CNTNAP2: variants seen among roughly 807,000 people sequenced by gnomAD.
The protein encoded by CNTNAP2 is contactin-associated protein-like 2.
A neutral mutation model predicts 155.2 loss-of-function variants in CNTNAP2; 98 were observed. The observed-to-expected ratio is 0.63, with a 90% CI of 0.54 to 0.75. CNTNAP2 has a LOEUF of 0.75. Among genes scored for constraint, CNTNAP2 ranks in the 30% least tolerant of loss-of-function variants. The pLI is 0.00. For synonymous variants in CNTNAP2, 651 were observed against 631.2 expected (o/e 1.03, Z -0.47); for missense variants, 1,727 against 1,688.1 (o/e 1.02, Z -0.40).
chr7:147,286,762 G>A (rs1805188618), intron 8 of CNTNAP2, among the ~76,000 whole-genome samples: 1 of 151,936 alleles, frequency 6.6e-6, no homozygotes, highest in South Asian at 2.1e-4. Context: ...AACTACTCGA[G>A]GGTCATATCT....
At chr7:147,585,624 G>A (rs1800604217) in intron 12 of CNTNAP2, among the ~76,000 whole-genome samples, 1 of 75,386 alleles carries the variant, frequency 1.3e-5, no homozygotes, top group Admixed American at 1.4e-4. Context: ...AGGTAATTTT[G>A]AGGCCAAAAA....
chr7:147,216,706 T>C (rs1803277860), intron 8 of CNTNAP2, among the ~76,000 whole-genome samples: 1 of 152,076 alleles, frequency 6.6e-6, no homozygotes, highest in African/African-American at 2.4e-5. Flanking sequence ...AGTTTGTCAA[T>C]TTCTACAACA....
intron 15 of CNTNAP2, among the ~76,000 whole-genome samples, chr7:148,073,447 C>A (rs1018625729): frequency 6.6e-6 from 1 of 152,216 alleles, no homozygotes; most frequent in Non-Finnish European, 1.5e-5. Context: ...AAATCTTACA[C>A]CATCCCACCA....
chr7:147,144,785 A>G (rs1293986580), intron 8 of CNTNAP2, among the ~76,000 whole-genome samples: 3 of 152,216 alleles, frequency 2.0e-5, no homozygotes, highest in Admixed American at 2.0e-4. Context: ...GCCAATAGGC[A>G]TCAATATTGA....
At chr7:146,846,956 A>G (rs957934505) in intron 3 of CNTNAP2, among the ~76,000 whole-genome samples, 4 of 143,872 alleles carry the variant, frequency 2.8e-5, no homozygotes, top group African/African-American at 1.2e-4. Context: ...TTTGTTATCA[A>G]TTATACTAAT....
intron 9 of CNTNAP2, among the ~76,000 whole-genome samples, chr7:147,324,565 T>C (rs911638375): frequency 1.3e-5 from 2 of 152,130 alleles, no homozygotes; most frequent in Non-Finnish European, 2.9e-5. Flanking sequence ...TTTAGAACAC[T>C]TTAGTCTTTC....
intron 18 of CNTNAP2, among the ~76,000 whole-genome samples, chr7:148,185,650 A>G (rs1296907394): frequency 1.2e-4 from 19 of 152,220 alleles, no homozygotes; most frequent in Admixed American, 1.2e-3. Context: ...TAGTTTTCAG[A>G]GATGAATAAA....
At chr7:146,366,357 A>G (rs946655398) in intron 1 of CNTNAP2, among the ~76,000 whole-genome samples, 9 of 152,124 alleles carry the variant, frequency 5.9e-5, no homozygotes, top group African/African-American at 1.7e-4. Context: ...TTTTCTAATC[A>G]AGTATAAGTT....
intron 22 of CNTNAP2, among the ~76,000 whole-genome samples, chr7:148,388,510 T>C (rs1053351186): frequency 6.6e-6 from 1 of 152,142 alleles, no homozygotes; most frequent in Non-Finnish European, 1.5e-5. Context: ...GTCCATGGTG[T>C]ATATGTGCCA....
At chr7:147,521,722 G>T (rs920628976) in intron 11 of CNTNAP2, among the ~76,000 whole-genome samples, 4 of 152,144 alleles carry the variant, frequency 2.6e-5, no homozygotes, top group African/African-American at 9.7e-5. Context: ...GGGAGTAGAG[G>T]AATATAGAGA....
intron 13 of CNTNAP2, among the ~76,000 whole-genome samples, chr7:147,662,620 T>C (rs1281690792): frequency 6.6e-6 from 1 of 152,158 alleles, no homozygotes; most frequent in Non-Finnish European, 1.5e-5. Flanking sequence ...GATGAACACT[T>C]CTTACCTTAA....
intron 11 of CNTNAP2, among the ~76,000 whole-genome samples, chr7:147,507,755 A>G (rs1247995945): frequency 6.6e-6 from 1 of 151,728 alleles, no homozygotes; most frequent in South Asian, 2.1e-4. Flanking sequence ...GAGTTTCACC[A>G]TGTTAGCCAG....
intron 13 of CNTNAP2, among the ~76,000 whole-genome samples, chr7:147,763,621 C>T (rs1213487757): frequency 6.6e-6 from 1 of 152,104 alleles, no homozygotes; most frequent in Non-Finnish European, 1.5e-5. Flanking sequence ...TCTCTGAAGA[C>T]TTATTACATA....
chr7:147,744,638 A>G (rs1001946116), intron 13 of CNTNAP2, among the ~76,000 whole-genome samples: 2 of 152,212 alleles, frequency 1.3e-5, no homozygotes, highest in African/African-American at 2.4e-5. Flanking sequence ...TCACAGTTTT[A>G]GAGGCTAGAA....
rs78891425 is a variant in CNTNAP2 at position 147,529,878 on chromosome 7, G to A, written c.1778-32260G>A. On this transcript the variant is annotated intron_variant, in intron 11 of 23. Coordinates refer to ENST00000361727, the MANE Select transcript of CNTNAP2 (RefSeq NM_014141.6). The stretch of plus-strand genomic sequence containing the variant: ...CATGAAAAATTTATTCCAAAGGCCA[G>A]GAAATCACAGGACTCCACCAGGTGT... Among the ~76,000 whole-genome samples the A allele has an allele frequency of 2.1e-3, 322 of 152,220 alleles. 3 individuals are homozygous for A. Among genetic ancestry groups the A allele is most frequent in the African/African-American group, 7.2e-3 (298 of 41,522 alleles).
intron 11 of CNTNAP2, among the ~76,000 whole-genome samples, chr7:147,514,981 AAAC>A (rs1175805076): frequency 6.6e-6 from 1 of 152,168 alleles, no homozygotes; most frequent in Non-Finnish European, 1.5e-5. Flanking sequence ...CTCATGTTAA[AAAC>A]AACAGCCTCC....
chr7:146,726,472 T>C (rs899344754), intron 1 of CNTNAP2, among the ~76,000 whole-genome samples: 23 of 152,192 alleles, frequency 1.5e-4, no homozygotes, highest in African/African-American at 5.5e-4. Flanking sequence ...AAAGTGCCAT[T>C]CAATTTTCAA....
intron 21 of CNTNAP2, among the ~76,000 whole-genome samples, chr7:148,350,296 G>T (rs927446687): frequency 1.3e-5 from 2 of 152,248 alleles, no homozygotes; most frequent in South Asian, 4.1e-4. Flanking sequence ...GTCTACAGCC[G>T]CAAATACAGG....
At chr7:146,906,333 T>C (rs1796126290) in intron 3 of CNTNAP2, among the ~76,000 whole-genome samples, 1 of 152,142 alleles carries the variant, frequency 6.6e-6, no homozygotes, top group Non-Finnish European at 1.5e-5. Flanking sequence ...CTCTGTAGGC[T>C]CCACCTCTGG....
Sources: gnomAD v4.1 joint callset for allele counts (sites outside exome capture counted in the v4.1 genomes callset) on GRCh38, gnomAD v4.1.1 for gene constraint, MANE v1.5 for transcripts, NCBI Gene and HGNC (gene_info 2026-07-23, HGNC 2026-07-21) for gene names.